The following MVB12B variants were observed in gnomAD, a reference collection of about 807,000 sequenced individuals.
MVB12B encodes the protein multivesicular body subunit 12B.
MVB12B carries 16 observed loss-of-function variants against 41.6 expected under a neutral mutation model. The ratio of observed to expected loss-of-function variants is 0.38; its 90% CI spans 0.26 to 0.58. MVB12B has a LOEUF of 0.58. MVB12B is among the 20% of genes least tolerant of loss of function. The probability of loss-of-function intolerance (pLI) is 0.62; values close to 1 mark genes in which losing one functional copy is unlikely to be tolerated. For synonymous variants in MVB12B, 133 were observed against 139.7 expected (o/e 0.95, Z 0.34); for missense variants, 274 against 380.2 (o/e 0.72, Z 2.32).
At chr9:126,460,699 C>T (rs935831181) in intron 7 of MVB12B, among the ~76,000 whole-genome samples, 1 of 151,964 alleles carries the variant, frequency 6.6e-6, no homozygotes, top group Non-Finnish European at 1.5e-5. Context: ...GTGGTAGCGG[C>T]CAGTGGAGGT....
chr9:126,476,590 G>T (rs1161592872), intron 7 of MVB12B, among the ~76,000 whole-genome samples: 1 of 152,158 alleles, frequency 6.6e-6, no homozygotes, highest in Non-Finnish European at 1.5e-5. Context: ...ACAAAATGTA[G>T]AATCTGCCGG....
intron 2 of MVB12B, among the ~76,000 whole-genome samples, chr9:126,344,270 T>G (rs1482830505): frequency 3.9e-5 from 6 of 152,092 alleles, no homozygotes; most frequent in Admixed American, 3.3e-4. Context: ...TGCAAATAAA[T>G]AAAAGATGAA....
At chr9:126,378,111 G>A (rs1830530541) in intron 2 of MVB12B, among the ~76,000 whole-genome samples, 1 of 152,150 alleles carries the variant, frequency 6.6e-6, no homozygotes, top group Admixed American at 6.5e-5. Context: ...AAAGCATTTG[G>A]TCCTCCACCC....
chr9:126,355,039 C>T (rs1056785687), intron 2 of MVB12B, among the ~76,000 whole-genome samples: 8 of 151,942 alleles, frequency 5.3e-5, no homozygotes, highest in Non-Finnish European at 8.8e-5. Context: ...CTGTCTTCTC[C>T]CTGTGGTTTT....
chr9:126,498,025 G>A (rs114080146), intron 9 of MVB12B, among the ~76,000 whole-genome samples: 2 of 152,222 alleles, frequency 1.3e-5, no homozygotes, highest in African/African-American at 2.4e-5. Flanking sequence ...GGCCTCTCCC[G>A]GGACTGCAGC....
chr9:126,360,300 G>A (rs1213451238), intron 2 of MVB12B, among the ~76,000 whole-genome samples: 1 of 152,150 alleles, frequency 6.6e-6, no homozygotes, highest in Non-Finnish European at 1.5e-5. Context: ...CTTACAATAT[G>A]AGTCAGCAAA....
chr9:126,426,142 C>T (rs1226440532), intron 7 of MVB12B, among the ~76,000 whole-genome samples: 1 of 152,206 alleles, frequency 6.6e-6, no homozygotes, highest in Non-Finnish European at 1.5e-5. Flanking sequence ...TAGGTGTGTG[C>T]AGGCAATGCC....
At chr9:126,348,887 A>C (rs1829669865) in intron 2 of MVB12B, among the ~76,000 whole-genome samples, 1 of 152,204 alleles carries the variant, frequency 6.6e-6, no homozygotes, top group Non-Finnish European at 1.5e-5. Context: ...ACAGTACATT[A>C]ATACAGAACA....
intron 2 of MVB12B, among the ~76,000 whole-genome samples, chr9:126,375,363 C>CTTTTTTTTTTTTTTTTTTT (rs35585049): frequency 9.5e-6 from 1 of 105,194 alleles, no homozygotes; most frequent in Non-Finnish European, 1.8e-5. Flanking sequence ...TAAATTGATT[C>CTTTTTTTTTTTTTTTTTTT]TTTTTTTTTT....
intron 2 of MVB12B, among the ~76,000 whole-genome samples, chr9:126,380,195 G>A (rs778634940): frequency 2.0e-5 from 3 of 152,142 alleles, no homozygotes; most frequent in African/African-American, 7.2e-5. Context: ...CCTGACCAGC[G>A]ATTCACAGAG....
chr9:126,329,630 C>A lies in MVB12B; in HGVS notation c.81+2620C>A, dbSNP rs548896364. On this transcript the variant is annotated intron_variant, in intron 1 of 9. Transcript: ENST00000361171. ...ATCCAAATGGCATAGGCCCCTCTGT[C>A]TGAGTTTGCTGGAAGTGCTCCATAC... 1.2e-4 allele frequency among the ~76,000 whole-genome samples: 18 copies of A among 152,320 alleles called. No homozygotes were observed. In the East Asian group the frequency reaches 1.5e-3, roughly 13 times the overall value.
intron 7 of MVB12B, among the ~76,000 whole-genome samples, chr9:126,461,125 A>G (rs1833079167): frequency 6.6e-6 from 1 of 152,238 alleles, no homozygotes; most frequent in African/African-American, 2.4e-5. Context: ...CTGGAACCTC[A>G]TAAGGAAGAG....
rs1374355154 is a variant in MVB12B, at chr9:126,480,543, G to T, written c.758-826G>T. 6.6e-6 allele frequency among the ~76,000 whole-genome samples: 1 copy of T among 152,290 alleles called. No individual in the cohort carries two copies. Among genetic ancestry groups the T allele is most frequent in the Admixed American group, 6.5e-5 (1 of 15,306 alleles). ...ATCCCCTGGGACAGGGCGGAGGGAG[G>T]GGTGGCCACAGAAAAGGAACCAGGC... On this transcript the variant is annotated intron_variant, in intron 7 of 9. Transcript: ENST00000361171. The surrounding 1 kb of genome is among the most constrained non-coding windows in gnomAD (Gnocchi z 4.9).
At chr9:126,400,665 C>T (rs558611352) in intron 6 of MVB12B, among the ~76,000 whole-genome samples, 11 of 152,184 alleles carry the variant, frequency 7.2e-5, no homozygotes, top group Non-Finnish European at 1.5e-4. Context: ...AAGCCGTCGT[C>T]GATGCTGCTT....
chr9:126,386,658 C>T lies in MVB12B; in HGVS notation c.409C>T (p.Gln137Ter), dbSNP rs757032890. ...FIPIQETVDT[Q>*]EVAFRKKRLC... ...CCCAATTCAGGAGACGGTGGACACA[C>T]GTGAGTCATCCTTTAGTAGCACTCA... is the stretch of plus-strand genomic sequence containing the variant. The change falls in exon 4 of 10, where the codon CAG (glutamine) becomes TAG (stop). Residue 137 changes from glutamine to a stop codon, truncating the protein, a stop_gained and splice_region_variant. Transcript: ENST00000361171. LOFTEE classifies it high-confidence loss of function. This position sits in a 1 kb window ranked among gnomAD's most constrained non-coding sequence, Gnocchi z 4.3. 1 of 1,606,986 alleles carries T rather than the reference C, an allele frequency of 6.2e-7. No individual in the cohort carries two copies. Among genetic ancestry groups the T allele is most frequent in the South Asian group, 1.1e-5 (1 of 90,938 alleles).
intron 7 of MVB12B, among the ~76,000 whole-genome samples, chr9:126,442,832 C>G (rs1199064210): frequency 6.6e-6 from 1 of 152,168 alleles, no homozygotes; most frequent in Non-Finnish European, 1.5e-5. Context: ...CCCCAATGTG[C>G]CTTTCACACG....
intron 7 of MVB12B, among the ~76,000 whole-genome samples, chr9:126,470,646 C>CTGTGTGTGTGTGTGTGTGTGTG (rs143928729): frequency 7.0e-6 from 1 of 143,514 alleles, no homozygotes; most frequent in African/African-American, 2.5e-5. Context: ...AGTCAGTGCT[C>CTGTGTGTGTGTGTGTGTGTGTG]TGTGTGTGTG....
intron 6 of MVB12B, among the ~76,000 whole-genome samples, chr9:126,418,511 C>T (rs1251608679): frequency 6.6e-6 from 1 of 152,170 alleles, no homozygotes; most frequent in Non-Finnish European, 1.5e-5. Flanking sequence ...TTTCCTGCTA[C>T]CATTCCCATC....
chr9:126,344,347 A>G (rs1436037361), intron 2 of MVB12B, among the ~76,000 whole-genome samples: 1 of 152,246 alleles, frequency 6.6e-6, no homozygotes, highest in Non-Finnish European at 1.5e-5. Flanking sequence ...AGCTTTCCAG[A>G]TAATTCTGAC....
Sources: allele counts gnomAD v4.1 joint callset (sites outside exome capture counted in the v4.1 genomes callset), GRCh38; gene constraint gnomAD v4.1.1; non-coding constraint Gnocchi (gnomAD v3.1); transcripts MANE v1.5; gene names NCBI Gene and HGNC (gene_info 2026-07-23, HGNC 2026-07-21).